SLIT1: variants seen among roughly 807,000 people sequenced by gnomAD.
SLIT1 encodes slit guidance ligand 1, also known as slit homolog 1 protein.
In SLIT1, 66 loss-of-function variants were observed where a neutral mutation model predicts 186.1. The observed-to-expected ratio is 0.35, with a 90% confidence interval of 0.29 to 0.44. SLIT1 has a LOEUF of 0.44. Among genes scored for constraint, SLIT1 ranks in the 20% least tolerant of loss-of-function variants. The pLI is 1.00. For synonymous variants in SLIT1, 761 were observed against 833.8 expected (o/e 0.91, Z 1.50); for missense variants, 1,638 against 2,037.4 (o/e 0.80, Z 3.77).
At chr10:97,052,469 G>A (rs1848798220) in intron 13 of SLIT1, among the ~76,000 whole-genome samples, 1 of 152,198 alleles carries the variant, frequency 6.6e-6, no homozygotes, top group Non-Finnish European at 1.5e-5. Context: ...ATCAGTGATG[G>A]CCAGCAGCTG....
At position 97,063,540 on chromosome 10, in the gene SLIT1, G is replaced by T. The variant is rs900242418; in HGVS notation, c.708C>A (p.Ile236=). The T allele has an allele frequency of 6.8e-6, 11 of 1,613,016 alleles. No individual in the cohort carries two copies. Among genetic ancestry groups the T allele is most frequent in the Middle Eastern group, 1.8e-4 (1 of 5,656 alleles). The change falls in exon 8 of 37, where the codon ATC becomes ATA. Residue 236 remains isoleucine (I), a synonymous_variant. Coordinates refer to ENST00000266058, the MANE Select transcript of SLIT1 (RefSeq NM_003061.3). ...LSQWLRQRPT[I]GLFTQCSGPA... ...GGCCCGAGCACTGGGTGAAGAGCCCGATGGTTGGCCGCTGCCTCAGCCACT... is the reference window on the plus strand; with the variant it reads ...GGCCCGAGCACTGGGTGAAGAGCCCTATGGTTGGCCGCTGCCTCAGCCACT...
At position 97,048,822 on chromosome 10, in the gene SLIT1, G is replaced by T; in HGVS notation, c.1465+133C>A. ...AGGCGGGCAGGTATGCAGGTGGACA[G>T]GTAGGCAGGCAGGCAAGTGAGCAGG... On this transcript the variant is annotated intron_variant, in intron 14 of 36. Transcript: ENST00000266058. 6.1e-6 allele frequency: 5 copies of T among 819,498 alleles called. No individual in the cohort carries two copies. The South Asian group carries it at 7.9e-5, about 13-fold the overall frequency. 50.8% of individuals were successfully genotyped at this position (819,498 alleles called of 1,614,324 possible).
At chr10:97,092,413 A>G (rs112251007) in intron 4 of SLIT1, among the ~76,000 whole-genome samples, 1 of 152,236 alleles carries the variant, frequency 6.6e-6, no homozygotes, top group Admixed American at 6.5e-5. Flanking sequence ...TGTGAATATG[A>G]GAACAATGTG....
At chr10:97,098,357 G>A (rs1849313671) in intron 4 of SLIT1, among the ~76,000 whole-genome samples, 1 of 152,234 alleles carries the variant, frequency 6.6e-6, no homozygotes, top group Non-Finnish European at 1.5e-5. Context: ...TGGTAACTGG[G>A]ATGAAGCCAA....
At chr10:97,081,232 G>C (rs1379971848) in intron 4 of SLIT1, among the ~76,000 whole-genome samples, 1 of 152,192 alleles carries the variant, frequency 6.6e-6, no homozygotes, top group African/African-American at 2.4e-5. Flanking sequence ...TATAACCCAG[G>C]CTGTGCTGGG....
intron 10 of SLIT1, 94 bp downstream of exon 10, chr10:97,059,993 G>A: frequency 9.3e-7 from 1 of 1,071,518 alleles, no homozygotes; most frequent in South Asian, 1.2e-5. Flanking sequence ...CAGCTGTGGG[G>A]GGCTGAGTTA....
rs1210829684 is a variant in SLIT1 at position 97,109,446 on chromosome 10, GC to G, written c.414-43361del. 8.5e-5 allele frequency among the ~76,000 whole-genome samples: 13 copies of G among 152,268 alleles called. No individual in the cohort carries two copies. In the East Asian group the frequency reaches 2.3e-3, roughly 27 times the overall value. ...AGGGCAGAAGGACTGCCTCCAAGAT[GC>G]TCAGGGAGGAGAGGTGATCAGAAGA... On this transcript the variant is annotated intron_variant, in intron 4 of 36. Transcript: ENST00000266058.
At chr10:97,072,981 G>T (rs183423704) in intron 4 of SLIT1, among the ~76,000 whole-genome samples, 41 of 152,322 alleles carry the variant, frequency 2.7e-4, no homozygotes, top group Non-Finnish European at 4.9e-4. Flanking sequence ...GTCCCTGCCC[G>T]AAGCACAGCC....
intron 13 of SLIT1, among the ~76,000 whole-genome samples, 162 bp downstream of exon 13, chr10:97,056,159 A>T (rs1848834143): frequency 6.6e-6 from 1 of 152,170 alleles, no homozygotes. Flanking sequence ...TGGACTTTGA[A>T]CCTAGGACGG....
At chr10:97,057,696 T>C (rs1003745728) in intron 11 of SLIT1, 2 of 390,038 alleles carry the variant, frequency 5.1e-6, no homozygotes, top group Non-Finnish European at 9.2e-6. Context: ...CAGGAAAAAA[T>C]AGAATGCCAG....
Position 97,043,362 on chromosome 10 carries a change from G to A in SLIT1, c.1997+8C>T, listed in dbSNP as rs780376615. The A allele has an allele frequency of 8.7e-6, 14 of 1,613,054 alleles. No homozygotes were observed. Among genetic ancestry groups the A allele is most frequent in the Middle Eastern group, 1.9e-4 (1 of 5,360 alleles). ...CCCCCGCCCGCCTGTCCTGGAGGCC[G>A]GACTCACAGTGTGGAGAGGGACTGG... is the stretch of plus-strand genomic sequence containing the variant. On this transcript the variant is annotated splice_region_variant and intron_variant, in intron 19 of 36. Transcript: ENST00000266058. The surrounding 1 kb of genome is among the most constrained non-coding windows in gnomAD (Gnocchi z 7.0).
chr10:97,155,575 G>C (rs1389942742), intron 4 of SLIT1: 1 of 152,234 alleles, frequency 6.6e-6, no homozygotes, highest in African/African-American at 2.4e-5. Context: ...TTACATGATG[G>C]GTCTTGGAGA....
chr10:97,131,243 C>T (rs550197298), intron 4 of SLIT1, among the ~76,000 whole-genome samples: 6 of 152,338 alleles, frequency 3.9e-5, no homozygotes, highest in South Asian at 2.1e-4. Context: ...GCCCATGGGA[C>T]GCCTCTAATG....
chr10:97,004,118 T>TTGCCCA lies in SLIT1; in HGVS notation c.3814_3815insTGGGCA (p.Asp1271_Asn1272insMetGly). 6.2e-7 allele frequency: 1 copy of TTGCCCA among 1,613,768 alleles called. No homozygotes were observed. The highest frequency in any genetic ancestry group is 1.3e-5 in the African/African-American group (1 of 75,064). On this transcript the variant is annotated inframe_insertion, in exon 34 of 37. Transcript: ENST00000266058. The surrounding 1 kb of genome is among the most constrained non-coding windows in gnomAD (Gnocchi z 5.1). ...GTTGAGCGTGTAATGTTTGCCAAAG[T>TTGCCCA]TGTCCATGGTCATGGGGCTCCCGCC...
intron 11 of SLIT1, 69 bp downstream of exon 11, chr10:97,059,391 C>A: frequency 7.7e-7 from 1 of 1,301,372 alleles, no homozygotes; most frequent in Non-Finnish European, 1.1e-6. Context: ...TCCACCAGGA[C>A]CCTGGGCCCT....
At position 97,010,991 on chromosome 10, in the gene SLIT1, A is replaced by T. The variant is rs1848405376; in HGVS notation, c.3341+2T>A. The T allele has an allele frequency of 1.9e-6, 3 of 1,613,512 alleles. No individual in the cohort carries two copies. The Admixed American group carries it at 5.0e-5, about 27-fold the overall frequency. Reference sequence around the variant, plus strand: ...CTCCTAGTGTGTCCAGGGGCTGCTCACCTGTAGCCCTCAGCACAGAGGCAG... The same window carrying T: ...CTCCTAGTGTGTCCAGGGGCTGCTCTCCTGTAGCCCTCAGCACAGAGGCAG... On this transcript the variant is annotated splice_donor_variant, in intron 31 of 36. Coordinates refer to ENST00000266058, the MANE Select transcript of SLIT1 (RefSeq NM_003061.3). LOFTEE classifies it high-confidence loss of function. The surrounding 1 kb of genome is among the most constrained non-coding windows in gnomAD (Gnocchi z 4.8).
rs116772790 is a variant in SLIT1, at chr10:97,041,168, G to C, written c.2165-1048C>G. Among the ~76,000 whole-genome samples, 213 of 152,354 alleles carry C rather than the reference G, an allele frequency of 1.4e-3. 1 individual carries two copies. The highest frequency in any genetic ancestry group is 4.9e-3 in the African/African-American group (203 of 41,586). On this transcript the variant is annotated intron_variant, in intron 20 of 36. Coordinates refer to ENST00000266058, the MANE Select transcript of SLIT1 (RefSeq NM_003061.3). Reference sequence around the variant, plus strand: ...TCACCTCTAGGAAGCTGTTCTAGGGGAGAGTGGAATATATACGTAGGGAGC... The same window carrying C: ...TCACCTCTAGGAAGCTGTTCTAGGGCAGAGTGGAATATATACGTAGGGAGC...
At chr10:97,177,334 C>T (rs576200687) in intron 1 of SLIT1, among the ~76,000 whole-genome samples, 62 of 152,322 alleles carry the variant, frequency 4.1e-4, no homozygotes, top group African/African-American at 1.2e-3. Flanking sequence ...CCCTTTCCAG[C>T]TTTATTCCTG....
chr10:97,063,755 C>A, intron 7 of SLIT1, 137 bp from the exon 8 acceptor site: 1 of 925,624 alleles, frequency 1.1e-6, no homozygotes, highest in South Asian at 1.8e-5. Context: ...GTCAAGTAGA[C>A]GGCTCAGCTC....
Sources: allele counts gnomAD v4.1 joint callset (sites outside exome capture counted in the v4.1 genomes callset), GRCh38; gene constraint gnomAD v4.1.1; non-coding constraint Gnocchi (gnomAD v3.1); transcripts MANE v1.5; gene names NCBI Gene and HGNC (gene_info 2026-07-23, HGNC 2026-07-21).